Variants in MYT1L observed in about 807,000 individuals in gnomAD.
MYT1L encodes myelin transcription factor 1-like protein.
In MYT1L, 12 loss-of-function variants were observed where a neutral mutation model predicts 126.7. The ratio of observed to expected loss-of-function variants is 0.09; its 90% CI spans 0.06 to 0.15. The LOEUF is 0.15. MYT1L is among the 10% of genes least tolerant of loss of function. The probability of loss-of-function intolerance (pLI) is 1.00; values close to 1 mark genes in which losing one functional copy is unlikely to be tolerated. For missense variants in MYT1L, 979 were observed against 1,585.2 expected (o/e 0.62, Z 6.49); for synonymous variants, 541 against 604.2 (o/e 0.90, Z 1.53).
At chr2:2,073,768 A>G (rs1488203828) in intron 3 of MYT1L, among the ~76,000 whole-genome samples, 2 of 151,962 alleles carry the variant, frequency 1.3e-5, no homozygotes, top group African/African-American at 4.8e-5. Context: ...TTCCTCTTGG[A>G]GCGTTCTTTC....
intron 3 of MYT1L, among the ~76,000 whole-genome samples, chr2:2,168,458 C>A (rs1210634408): frequency 6.6e-6 from 1 of 152,212 alleles, no homozygotes; most frequent in Non-Finnish European, 1.5e-5. Context: ...ACACTTACTG[C>A]AGGTCCTTGC....
Position 1,943,200 on chromosome 2 carries a change from G to A in MYT1L, c.287C>T (p.Thr96Ile), listed in dbSNP as rs2056854589. ...CTCCTCCTTCTCATCCATGTCCTCA[G>A]TCCCATCACTGTCGTCACACTCATC... is the stretch of plus-strand genomic sequence containing the variant. ...SVDECDDSDG[T>I]EDMDEKEEDE... The change falls in exon 9 of 25, where the codon ACT becomes ATT. Residue 96 changes from threonine (T) to isoleucine (I), a missense_variant. This residue lies in a region of MYT1L where 111 missense variants were observed against 115.9 expected (regional missense o/e 0.96). Coordinates refer to ENST00000647738, the MANE Select transcript of MYT1L (RefSeq NM_001303052.2). The surrounding 1 kb of genome is among the most constrained non-coding windows in gnomAD (Gnocchi z 4.4). 1 of 1,551,532 alleles carries A rather than the reference G, an allele frequency of 6.4e-7. No individual in the cohort carries two copies. The highest frequency in any genetic ancestry group is 1.4e-5 in the African/African-American group (1 of 72,846).
intron 21 of MYT1L, chr2:1,825,123 G>A (rs1487486170): frequency 6.6e-6 from 1 of 152,250 alleles, no homozygotes; most frequent in Non-Finnish European, 1.5e-5. Flanking sequence ...GCTGGGGAAA[G>A]AGACCTCAGA....
rs541123271 is a variant in MYT1L at position 2,238,408 on chromosome 2, T to G, written c.-421+45996A>C. Among the ~76,000 whole-genome samples the G allele has an allele frequency of 5.3e-5, 8 of 152,326 alleles. No individual in the cohort carries two copies. The East Asian group carries it at 1.5e-3, about 29-fold the overall frequency. ...GGCCACAAAGGAAGGGTGGGGTCAC[T>G]GGGTGCAGTTTCAGATGTATCTGTA... is the stretch of plus-strand genomic sequence containing the variant. On this transcript the variant is annotated intron_variant, in intron 2 of 24. Coordinates refer to ENST00000647738, the MANE Select transcript of MYT1L (RefSeq NM_001303052.2).
intron 18 of MYT1L, among the ~76,000 whole-genome samples, chr2:1,871,200 G>A (rs945105586): frequency 3.9e-5 from 6 of 152,154 alleles, no homozygotes; most frequent in Non-Finnish European, 5.9e-5. Flanking sequence ...GACTTTACAT[G>A]TCTAAAGTAA....
chr2:2,167,654 G>C (rs1220289529), intron 3 of MYT1L, among the ~76,000 whole-genome samples: 2 of 152,166 alleles, frequency 1.3e-5, no homozygotes, highest in Non-Finnish European at 2.9e-5. Flanking sequence ...TACCACATCT[G>C]AACTGTGCTT....
In MYT1L at chr2:2,101,983, G is replaced by A. The variant is rs577851780; in HGVS notation, c.-303-47860C>T. On this transcript the variant is annotated intron_variant, in intron 3 of 24. Transcript: ENST00000647738. Reference sequence around the variant, plus strand: ...CCAAACACTTCAGTGGTTTCTGATTGCCGAACAAATTAAGCACACATTTTT... The same window carrying A: ...CCAAACACTTCAGTGGTTTCTGATTACCGAACAAATTAAGCACACATTTTT... Among the ~76,000 whole-genome samples, 5 of 152,274 alleles carry A rather than the reference G, an allele frequency of 3.3e-5. No individual in the cohort carries two copies. In the East Asian group the frequency reaches 7.7e-4, roughly 24 times the overall value.
At chr2:2,096,741 GAGGATGGA>G (rs2077502342) in intron 3 of MYT1L, among the ~76,000 whole-genome samples, 1 of 152,140 alleles carries the variant, frequency 6.6e-6, no homozygotes, top group South Asian at 2.1e-4. Context: ...TCACCTTCCT[GAGGATGGA>G]CTGTGTGCCA....
chr2:2,136,253 C>T (rs1305012686), intron 3 of MYT1L, among the ~76,000 whole-genome samples: 1 of 152,158 alleles, frequency 6.6e-6, no homozygotes, highest in Non-Finnish European at 1.5e-5. Flanking sequence ...CTTTCTGTCC[C>T]TTAGCAGTCC....
At chr2:1,859,668 A>AT (rs377578906) in intron 18 of MYT1L, among the ~76,000 whole-genome samples, 31 of 152,236 alleles carry the variant, frequency 2.0e-4, no homozygotes, top group African/African-American at 7.2e-4. Flanking sequence ...TCACCCGCTG[A>AT]CAGCAGGAAT....
At chr2:1,836,978 C>T (rs1407957785) in intron 21 of MYT1L, among the ~76,000 whole-genome samples, 2 of 152,178 alleles carry the variant, frequency 1.3e-5, no homozygotes, top group Non-Finnish European at 2.9e-5. Context: ...AGAGAGTAGA[C>T]AGAGGTGTGT....
intron 18 of MYT1L, among the ~76,000 whole-genome samples, chr2:1,864,487 C>T (rs1336291737): frequency 3.3e-5 from 5 of 152,208 alleles, no homozygotes; most frequent in East Asian, 1.9e-4. Flanking sequence ...TATTGGCTCC[C>T]GTTCAACATG....
At chr2:2,303,513 T>C (rs953596512) in intron 1 of MYT1L, 6 of 152,320 alleles carry the variant, frequency 3.9e-5, no homozygotes, top group South Asian at 2.1e-4. Flanking sequence ...CTCCCTGCTC[T>C]CTTAATCAGG....
intron 3 of MYT1L, among the ~76,000 whole-genome samples, chr2:2,077,913 T>C (rs966591822): frequency 1.3e-5 from 2 of 152,196 alleles, no homozygotes; most frequent in African/African-American, 4.8e-5. Context: ...AAAGATGGTA[T>C]AAGCTTATCA....
intron 1 of MYT1L, among the ~76,000 whole-genome samples, chr2:2,308,709 T>A (rs1464091772): frequency 2.0e-5 from 3 of 151,772 alleles, no homozygotes; most frequent in African/African-American, 7.3e-5. Flanking sequence ...TATCTATACC[T>A]TACCTACACT....
chr2:2,039,374 G>C (rs1314799775), intron 4 of MYT1L, among the ~76,000 whole-genome samples: 2 of 151,488 alleles, frequency 1.3e-5, no homozygotes, highest in Non-Finnish European at 2.9e-5. Flanking sequence ...CTGCACTCCA[G>C]CCAGGGCAAC....
chr2:2,186,863 C>G (rs2092248742), intron 2 of MYT1L, among the ~76,000 whole-genome samples: 1 of 152,150 alleles, frequency 6.6e-6, no homozygotes, highest in Non-Finnish European at 1.5e-5. Flanking sequence ...ATAATGTAAC[C>G]TAATCTTCAC....
chr2:2,033,708 T>A (rs2066667672), intron 4 of MYT1L, among the ~76,000 whole-genome samples: 1 of 152,178 alleles, frequency 6.6e-6, no homozygotes, highest in African/African-American at 2.4e-5. Flanking sequence ...ATCTATTAAA[T>A]CAACTCTCCA....
intron 23 of MYT1L, among the ~76,000 whole-genome samples, chr2:1,796,614 T>C (rs992082595): frequency 6.6e-6 from 1 of 152,174 alleles, no homozygotes; most frequent in African/African-American, 2.4e-5. Context: ...CTCCCTTTTA[T>C]ACTCAAATAC....
Sources: gnomAD v4.1 joint callset for allele counts (sites outside exome capture counted in the v4.1 genomes callset) on GRCh38, gnomAD v4.1.1 for gene constraint, gnomAD v4.1.1 regional missense constraint, Gnocchi (gnomAD v3.1) non-coding constraint, MANE v1.5 for transcripts, NCBI Gene and HGNC (gene_info 2026-07-23, HGNC 2026-07-21) for gene names.